The following SLC26A5 variants were observed in gnomAD, a reference collection of about 807,000 sequenced individuals.
The protein encoded by SLC26A5 is prestin.
A neutral mutation model predicts 81.0 loss-of-function variants in SLC26A5; 51 were observed. The observed-to-expected ratio is 0.63, with a 90% CI of 0.50 to 0.80. The LOEUF is 0.80. Ranked by LOEUF, SLC26A5 falls within the 30% of genes least tolerant of loss-of-function variation. The probability of loss-of-function intolerance (pLI) is 0.00; values close to 1 mark genes in which losing one functional copy is unlikely to be tolerated. For missense variants in SLC26A5, 771 were observed against 905.8 expected, an observed-to-expected ratio of 0.85 and a Z score of 1.91; for synonymous variants, 325 against 332.8, an observed-to-expected ratio of 0.98 and a Z score of 0.25.
At position 103,393,014 on chromosome 7, in the gene SLC26A5, C is replaced by T; in HGVS notation, c.1024G>A (p.Asp342Asn). 1 of 1,613,984 alleles carries T rather than the reference C, an allele frequency of 6.2e-7. No homozygotes were observed. The highest frequency in any genetic ancestry group is 8.5e-7 in the Non-Finnish European group (1 of 1,179,870). ...DTSLFHLVYV[D>N]AIAIAIVGFS... ...CCAACGATGGCTATGGCAATGGCAT[C>T]TACGTACACAAGGTGGAAGAGGCTG... is the stretch of plus-strand genomic sequence containing the variant. Residue 342 changes from aspartate to asparagine, a missense_variant, in exon 10 of 20, where the codon GAT becomes AAT. Coordinates refer to ENST00000306312, the MANE Select transcript of SLC26A5 (RefSeq NM_198999.3).
chr7:103,386,707 C>G (rs551147130), intron 14 of SLC26A5, among the ~76,000 whole-genome samples: 2 of 152,132 alleles, frequency 1.3e-5, no homozygotes, highest in Non-Finnish European at 2.9e-5. Flanking sequence ...AACACCACCA[C>G]CAGCAAAAAA....
At chr7:103,402,393 C>CTT (rs541398228) in intron 8 of SLC26A5, among the ~76,000 whole-genome samples, 3,080 of 124,418 alleles carry the variant, frequency 0.025, 110 homozygotes, top group African/African-American at 0.071. Context: ...ACGTATTGCT[C>CTT]TTTTTTTTTT....
At chr7:103,366,807 C>CT (rs536853178) in intron 19 of SLC26A5, among the ~76,000 whole-genome samples, 42 of 148,630 alleles carry the variant, frequency 2.8e-4, no homozygotes, top group East Asian at 9.8e-4. Flanking sequence ...GAAATCTAGA[C>CT]TTTTTTTTTT....
Position 103,412,991 on chromosome 7 carries a change from T to A in SLC26A5, c.403+11A>T. 8 of 1,545,582 alleles carry A rather than the reference T, an allele frequency of 5.2e-6. No individual in the cohort carries two copies. Among genetic ancestry groups the A allele is most frequent in the Non-Finnish European group, 7.2e-6 (8 of 1,117,610 alleles). ...AGGAAAGGTAATAGAATATCAAATG[T>A]AAGCTTTTACCTATGGATATGTGTC... On this transcript the variant is annotated intron_variant, in intron 5 of 19. Transcript: ENST00000306312.
chr7:103,397,803 T>C (rs1479628743), intron 9 of SLC26A5, 129 bp downstream of exon 9: 4 of 721,826 alleles, frequency 5.5e-6, no homozygotes, highest in Non-Finnish European at 9.9e-6. Flanking sequence ...CCAATCCCCC[T>C]AAAGCCCTCA....
At position 103,397,923 on chromosome 7, in the gene SLC26A5, C is replaced by G; in HGVS notation, c.971+9G>C. On this transcript the variant is annotated intron_variant, in intron 9 of 19. Transcript: ENST00000306312. ...TCAGTCACACAGTTACTTAAAACCA[C>G]TTTCCTACCCTAGAGGAAGTGTTCC... 6.2e-7 allele frequency: 1 copy of G among 1,610,338 alleles called. No individual in the cohort carries two copies. Among genetic ancestry groups the G allele is most frequent in the Non-Finnish European group, 8.5e-7 (1 of 1,176,570 alleles).
intron 9 of SLC26A5, 127 bp from the exon 10 acceptor site, chr7:103,393,193 T>TC: frequency 8.3e-7 from 1 of 1,207,928 alleles, no homozygotes; most frequent in Non-Finnish European, 1.2e-6. Flanking sequence ...CTTGGATACT[T>TC]ATTTGCTCTG....
At chr7:103,364,954 C>CAT (rs1554575463) in intron 19 of SLC26A5, among the ~76,000 whole-genome samples, 1 of 38,962 alleles carries the variant, frequency 2.6e-5, no homozygotes, top group African/African-American at 9.8e-5. Flanking sequence ...TGTTTGTAGA[C>CAT]ATACATATAT....
intron 2 of SLC26A5, among the ~76,000 whole-genome samples, chr7:103,427,028 C>T (rs1164091901): frequency 6.6e-6 from 1 of 151,592 alleles, no homozygotes; most frequent in African/African-American, 2.4e-5. Context: ...TCGCCACAGG[C>T]AGGAAGGGAG....
intron 19 of SLC26A5, chr7:103,362,143 A>T: frequency 1.2e-6 from 2 of 1,603,078 alleles, no homozygotes; most frequent in Non-Finnish European, 8.5e-7. Flanking sequence ...ACTGTCTCAC[A>T]TTCATATCCT....
chr7:103,363,222 A>C, intron 19 of SLC26A5: 1 of 745,360 alleles, frequency 1.3e-6, no homozygotes, highest in Non-Finnish European at 2.2e-6. Flanking sequence ...CAATGTATTC[A>C]ATTTTTATTA....
chr7:103,379,560 CAG>C (rs1418971785), intron 15 of SLC26A5, among the ~76,000 whole-genome samples: 3 of 150,908 alleles, frequency 2.0e-5, no homozygotes, highest in Non-Finnish European at 1.5e-5. Context: ...AGAGAACTGA[CAG>C]AGACCTTTTT....
chr7:103,371,984 C>T (rs190509492), downstream of SLC26A5, among the ~76,000 whole-genome samples: 156 of 152,204 alleles, frequency 1.0e-3, no homozygotes, highest in Non-Finnish European at 1.8e-3. Flanking sequence ...CGTGAGCCAC[C>T]GCACCTGGCC....
At chr7:103,436,419 G>T (rs1035442949) in intron 2 of SLC26A5, among the ~76,000 whole-genome samples, 3 of 152,060 alleles carry the variant, frequency 2.0e-5, no homozygotes, top group Non-Finnish European at 2.9e-5. Flanking sequence ...AACCCTAAGA[G>T]GCAGGTACTA....
intron 5 of SLC26A5, 35 bp downstream of exon 5, chr7:103,412,967 G>C (rs1161975977): frequency 7.1e-7 from 1 of 1,410,728 alleles, no homozygotes. Flanking sequence ...AAATACACAA[G>C]GAAAGGTAAT....
At position 103,411,080 on chromosome 7, in the gene SLC26A5, T is replaced by C. The variant is rs143329476; in HGVS notation, c.570+340A>G. ...ACACTAATGCCTTCCCTGTCTCTCA[T>C]TGAGCTGGGGGCATGCTTCATCATG... On this transcript the variant is annotated intron_variant, in intron 6 of 19. Coordinates refer to ENST00000306312, the MANE Select transcript of SLC26A5 (RefSeq NM_198999.3). 2.7e-3 allele frequency among the ~76,000 whole-genome samples: 416 copies of C among 152,274 alleles called. 1 individual carries two copies. The highest frequency in any genetic ancestry group is 9.4e-3 in the African/African-American group (391 of 41,544).
intron 2 of SLC26A5, among the ~76,000 whole-genome samples, chr7:103,441,796 A>G (rs1463124035): frequency 1.3e-5 from 2 of 152,236 alleles, no homozygotes; most frequent in Admixed American, 6.5e-5. Context: ...TGGGTGCTGC[A>G]AAGTCAGCAA....
chr7:103,353,425 G>A (rs376955081), intron 19 of SLC26A5, among the ~76,000 whole-genome samples: 3 of 152,250 alleles, frequency 2.0e-5, no homozygotes, highest in East Asian at 3.9e-4. Flanking sequence ...TCCAGCTTCA[G>A]CCTCCTGAGT....
intron 19 of SLC26A5, among the ~76,000 whole-genome samples, chr7:103,353,560 G>A (rs1433379412): frequency 6.6e-6 from 1 of 152,164 alleles, no homozygotes; most frequent in Non-Finnish European, 1.5e-5. Flanking sequence ...GCCTGCCTGG[G>A]CCTCCCAAAG....
Sources: allele counts gnomAD v4.1 joint callset (sites outside exome capture counted in the v4.1 genomes callset), GRCh38; gene constraint gnomAD v4.1.1; transcripts MANE v1.5; gene names NCBI Gene and HGNC (gene_info 2026-07-23, HGNC 2026-07-21).